IL17D: variants seen among roughly 807,000 people sequenced by gnomAD.
IL17D encodes the protein interleukin-17D.
A neutral mutation model predicts 5.7 loss-of-function variants in IL17D; 10 were observed. That is an observed-to-expected ratio of 1.75 (90% CI 1.08 to 2.97). The LOEUF is 2.97. IL17D is among the 30% of genes most tolerant of loss of function. The pLI, the probability that IL17D is intolerant of heterozygous loss-of-function variation, is 0.00. For missense variants in IL17D, 354 were observed against 292.7 expected, an observed-to-expected ratio of 1.21 and a Z score of -1.53; for synonymous variants, 172 against 141.7, an observed-to-expected ratio of 1.21 and a Z score of -1.52.
intron 1 of IL17D, among the ~76,000 whole-genome samples, chr13:20,705,763 G>A (rs2058587443): frequency 6.6e-6 from 1 of 152,194 alleles, no homozygotes; most frequent in Admixed American, 6.5e-5. Context: ...CAGCCACTCT[G>A]GTTTAGGAGG....
chr13:20,702,820 G>C (rs1375804443), upstream of IL17D: 3 of 152,160 alleles, frequency 2.0e-5, no homozygotes, highest in Non-Finnish European at 4.4e-5. Flanking sequence ...ATGTTGTTGA[G>C]GAGAAAGGAG....
chr13:20,702,294 A>C (rs2058552062), upstream of IL17D: 1 of 152,254 alleles, frequency 6.6e-6, no homozygotes, highest in Non-Finnish European at 1.5e-5. Flanking sequence ...GCAGTAGATT[A>C]CTAAGCTCCT....
chr13:20,715,416 G>A (rs529968877), intron 1 of IL17D, among the ~76,000 whole-genome samples: 2 of 152,324 alleles, frequency 1.3e-5, no homozygotes, highest in East Asian at 3.9e-4. Context: ...GTATGGTCAT[G>A]AAATTCACAC....
At chr13:20,703,312 G>A, upstream of IL17D, 1 of 986,578 alleles carries the variant, frequency 1.0e-6, no homozygotes, top group Non-Finnish European at 1.2e-6. Flanking sequence ...GAAGATGTTG[G>A]GGGCACTGGT....
chr13:20,704,279 C>T lies in IL17D; in HGVS notation c.278C>T (p.Pro93Leu). 1.6e-6 allele frequency: 2 copies of T among 1,259,918 alleles called. No homozygotes were observed. Among genetic ancestry groups the T allele is most frequent in the East Asian group, 3.5e-5 (1 of 28,760 alleles). The allele number at this position is 1,259,918 out of a possible 1,614,324, so 78.0% of individuals were successfully genotyped here. The change falls in exon 1 of 2, where the codon CCC becomes CTC. Residue 93 changes from proline to leucine, a missense_variant. Coordinates refer to ENST00000682841, the MANE Select transcript of IL17D (RefSeq NM_001385224.1). ...RPPTNLRSVSPWAYRISYDPA... is the reference protein window; with the variant it reads ...RPPTNLRSVSLWAYRISYDPA... ...CCCACCAACCTGCGCAGCGTGTCGCCCTGGGCCTACAGGTGAGCCGCGGGC... is the reference window on the plus strand; with the variant it reads ...CCCACCAACCTGCGCAGCGTGTCGCTCTGGGCCTACAGGTGAGCCGCGGGC...
chr13:20,721,558 G>A, intron 1 of IL17D, 78 bp from the exon 2 acceptor site: 2 of 1,285,112 alleles, frequency 1.6e-6, no homozygotes, highest in Non-Finnish European at 2.1e-6. Flanking sequence ...GCCCTCCCCG[G>A]TGACTCTAAC....
chr13:20,717,922 G>A (rs12871071), intron 1 of IL17D, among the ~76,000 whole-genome samples: 3,944 of 152,202 alleles, frequency 0.026, 74 homozygotes, highest in African/African-American at 0.051. Flanking sequence ...AAAACTACCG[G>A]GGGTGACGCC....
chr13:20,705,223 G>A (rs1188369849), intron 1 of IL17D, among the ~76,000 whole-genome samples: 5 of 147,468 alleles, frequency 3.4e-5, no homozygotes, highest in Admixed American at 7.2e-5. Context: ...AGAGCAAGTC[G>A]CCTACAAAGG....
chr13:20,717,829 C>CAGT lies in IL17D; in HGVS notation c.291-3806_291-3804dup, dbSNP rs3056290. ...GCGGGGGCAATTTCAGTCCCAAGTC[C>CAGT]AGTGCAGGGCTGCGCTGTATATTTT... On this transcript the variant is annotated intron_variant, in intron 1 of 1. Coordinates refer to ENST00000682841, the MANE Select transcript of IL17D (RefSeq NM_001385224.1). 9.1e-3 allele frequency among the ~76,000 whole-genome samples: 1,387 copies of CAGT among 152,286 alleles called. 21 individuals carry two copies. Among genetic ancestry groups the CAGT allele is most frequent in the African/African-American group, 0.032 (1,333 of 41,548 alleles).
At chr13:20,712,214 TTATC>T (rs1424677388) in intron 1 of IL17D, among the ~76,000 whole-genome samples, 8 of 152,204 alleles carry the variant, frequency 5.3e-5, no homozygotes, top group African/African-American at 1.9e-4. Flanking sequence ...TTTAAAAAAT[TTATC>T]TAAGGGGTTA....
chr13:20,704,036 C>G lies in IL17D; in HGVS notation c.35C>G (p.Pro12Arg), dbSNP rs2141379110. 2 of 1,040,234 alleles carry G rather than the reference C, an allele frequency of 1.9e-6. No individual in the cohort carries two copies. Among genetic ancestry groups the G allele is most frequent in the East Asian group, 9.0e-5 (1 of 11,124 alleles). The allele number at this position is 1,040,234 out of a possible 1,614,324, so 64.4% of individuals were successfully genotyped here. The stretch of plus-strand genomic sequence containing the variant: ...GCCGGCTTCCTGCTGGCGCTGCCGC[C>G]GAGCTGGGCCGCGGGCGCCCCGAGG... The part of the protein sequence containing the change: ...LVAGFLLALP[P>R]SWAAGAPRAG... Residue 12 changes from proline (P) to arginine (R), a missense_variant, in exon 1 of 2, where the codon CCG (proline) becomes CGG (arginine). Coordinates refer to ENST00000682841, the MANE Select transcript of IL17D (RefSeq NM_001385224.1).
chr13:20,701,734 T>C (rs1367586594), upstream of IL17D: 4 of 152,246 alleles, frequency 2.6e-5, no homozygotes, highest in East Asian at 3.8e-4. Context: ...TTCACAAATA[T>C]GTTGAAATTT....
intron 1 of IL17D, among the ~76,000 whole-genome samples, chr13:20,720,846 C>T (rs910355545): frequency 6.0e-5 from 9 of 149,476 alleles, no homozygotes; most frequent in African/African-American, 2.2e-4. Flanking sequence ...GCCTCGGGCT[C>T]TTCCTACACC....
intron 1 of IL17D, among the ~76,000 whole-genome samples, chr13:20,707,572 G>A (rs1303717330): frequency 6.6e-6 from 1 of 152,122 alleles, no homozygotes; most frequent in Non-Finnish European, 1.5e-5. Context: ...ACCCAGCCTG[G>A]AGTGCAGTGA....
In IL17D at chr13:20,711,681, C is replaced by A. The variant is rs79019305; in HGVS notation, c.290+7390C>A. On this transcript the variant is annotated intron_variant, in intron 1 of 1. Transcript: ENST00000682841. ...GCCCAGTGCAGGTACGGTTCAGGTA[C>A]CCCGGCTGAAGGAAGCCGGTATTTT... Among the ~76,000 whole-genome samples, 1,302 of 152,322 alleles carry A rather than the reference C, an allele frequency of 8.5e-3. 20 individuals are homozygous for A. The highest frequency in any genetic ancestry group is 0.03 in the African/African-American group (1,252 of 41,554).
intron 1 of IL17D, among the ~76,000 whole-genome samples, chr13:20,708,984 A>G (rs1023214598): frequency 6.7e-5 from 10 of 148,390 alleles, no homozygotes; most frequent in African/African-American, 2.5e-4. Context: ...AAAAAGAAAG[A>G]AAGAAAAGAA....
intron 1 of IL17D, among the ~76,000 whole-genome samples, chr13:20,710,091 T>C (rs1460720700): frequency 6.6e-6 from 1 of 152,200 alleles, no homozygotes; most frequent in Non-Finnish European, 1.5e-5. Flanking sequence ...TCCCACCCAG[T>C]GTGCTGTTAG....
At chr13:20,720,887 T>A (rs991459781) in intron 1 of IL17D, among the ~76,000 whole-genome samples, 1 of 13,432 alleles carries the variant, frequency 7.4e-5, no homozygotes, top group Non-Finnish European at 1.4e-4. Context: ...CCCCCCCCCC[T>A]CCCCCGGCAG....
At chr13:20,717,426 C>T (rs2058685905) in intron 1 of IL17D, 1 of 152,242 alleles carries the variant, frequency 6.6e-6, no homozygotes, top group Admixed American at 6.5e-5. Context: ...TGGCAGCTTT[C>T]CTTAACCGAA....
Sources: allele counts gnomAD v4.1 joint callset (sites outside exome capture counted in the v4.1 genomes callset), GRCh38; gene constraint gnomAD v4.1.1; transcripts MANE v1.5; gene names NCBI Gene and HGNC (gene_info 2026-07-23, HGNC 2026-07-21).